TRABD2B: variants seen among roughly 807,000 people sequenced by gnomAD.
TRABD2B encodes metalloprotease TIKI2.
A neutral mutation model predicts 40.1 loss-of-function variants in TRABD2B; 14 were observed. The ratio of observed to expected loss-of-function variants is 0.35; its 90% CI spans 0.23 to 0.55. The LOEUF is 0.55. TRABD2B is among the 20% of genes least tolerant of loss of function. The pLI is 0.90. For synonymous variants in TRABD2B, 263 were observed against 277.0 expected, an observed-to-expected ratio of 0.95 and a Z score of 0.50; for missense variants, 541 against 648.6, an observed-to-expected ratio of 0.83 and a Z score of 1.80.
intron 2 of TRABD2B, among the ~76,000 whole-genome samples, chr1:47,966,160 TGTG>T (rs1645599704): frequency 2.0e-5 from 3 of 152,242 alleles, no homozygotes; most frequent in Middle Eastern, 3.4e-3. Context: ...GTGGCAGGGC[TGTG>T]TGTTATGACG....
intron 2 of TRABD2B, among the ~76,000 whole-genome samples, chr1:47,973,940 C>T (rs984142207): frequency 2.6e-5 from 4 of 152,068 alleles, no homozygotes; most frequent in African/African-American, 4.8e-5. Flanking sequence ...CCCATCACTA[C>T]AAAAAATACA....
chr1:47,980,630 C>A (rs1645828102), intron 2 of TRABD2B, among the ~76,000 whole-genome samples: 1 of 152,324 alleles, frequency 6.6e-6, no homozygotes, highest in African/African-American at 2.4e-5. Context: ...CCCTGCCCTA[C>A]ACTAGAAAGC....
At chr1:47,966,177 G>A (rs1011573228) in intron 2 of TRABD2B, among the ~76,000 whole-genome samples, 9 of 152,140 alleles carry the variant, frequency 5.9e-5, no homozygotes, top group Non-Finnish European at 1.2e-4. Context: ...TATGACGTCT[G>A]GAAGTGCCAG....
At position 47,826,374 on chromosome 1, in the gene TRABD2B, T is replaced by C. The variant is rs181309734; in HGVS notation, c.667-24755A>G. ...GTCTCACTAATTCTCACAACATCAT[T>C]ATATCATATATCATTACACATGTGA... On this transcript the variant is annotated intron_variant, in intron 2 of 6. Transcript: ENST00000606738. 1.4e-3 allele frequency among the ~76,000 whole-genome samples: 208 copies of C among 152,292 alleles called. 1 individual carries two copies. In the South Asian group the frequency reaches 0.014, roughly 10 times the overall value.
chr1:47,849,307 A>G (rs1645514972), intron 2 of TRABD2B, among the ~76,000 whole-genome samples: 1 of 152,222 alleles, frequency 6.6e-6, no homozygotes. Context: ...ACATGTGTAC[A>G]ACTGGACAAT....
At chr1:47,979,177 T>C (rs1645804611) in intron 2 of TRABD2B, among the ~76,000 whole-genome samples, 1 of 151,440 alleles carries the variant, frequency 6.6e-6, no homozygotes, top group Non-Finnish European at 1.5e-5. Flanking sequence ...CATCTAGAAA[T>C]GTGGGAACAA....
chr1:47,932,775 G>A (rs141186846), intron 2 of TRABD2B, among the ~76,000 whole-genome samples: 24 of 152,272 alleles, frequency 1.6e-4, no homozygotes, highest in African/African-American at 4.6e-4. Context: ...TTGACTCTGC[G>A]CAAGTCACTT....
At chr1:47,874,098 C>T (rs1644183809) in intron 2 of TRABD2B, among the ~76,000 whole-genome samples, 2 of 152,052 alleles carry the variant, frequency 1.3e-5, no homozygotes, top group South Asian at 4.2e-4. Flanking sequence ...TGGAAACTTG[C>T]AAAGAGAGCC....
rs543208426 is a variant in TRABD2B at position 47,909,614 on chromosome 1, T to C, written c.666+84420A>G. On this transcript the variant is annotated intron_variant, in intron 2 of 6. Transcript: ENST00000606738. The stretch of plus-strand genomic sequence containing the variant: ...GAGGAGGAGGAGGAGCCAGACTCTT[T>C]TAAACGACCGGATCTCATGGGAACC... Among the ~76,000 whole-genome samples the C allele has an allele frequency of 3.5e-3, 515 of 145,466 alleles. 4 individuals carry two copies. The highest frequency in any genetic ancestry group is 0.013 in the African/African-American group (492 of 38,718).
chr1:47,791,674 G>A (rs964216146), intron 4 of TRABD2B, among the ~76,000 whole-genome samples: 1 of 152,188 alleles, frequency 6.6e-6, no homozygotes, highest in Non-Finnish European at 1.5e-5. Flanking sequence ...CCAAGAGAGT[G>A]CTTAGTCCCA....
chr1:47,967,373 A>T (rs1041023060), intron 2 of TRABD2B, among the ~76,000 whole-genome samples: 1 of 145,872 alleles, frequency 6.9e-6, no homozygotes, highest in Non-Finnish European at 1.5e-5. Context: ...ACACACACAC[A>T]GCAATACTTC....
intron 2 of TRABD2B, among the ~76,000 whole-genome samples, chr1:47,820,773 TCACACACACCACACACA>T (rs1645095797): frequency 9.2e-6 from 1 of 108,768 alleles, no homozygotes; most frequent in Non-Finnish European, 1.8e-5. Context: ...ACTGAGAAGT[TCACACACACCACACACA>T]CACACACACA....
At chr1:47,824,050 G>A (rs955625326) in intron 2 of TRABD2B, among the ~76,000 whole-genome samples, 6 of 152,176 alleles carry the variant, frequency 3.9e-5, no homozygotes, top group East Asian at 3.9e-4. Flanking sequence ...GCTGTCACTG[G>A]CCTTCAGAGG....
intron 2 of TRABD2B, among the ~76,000 whole-genome samples, chr1:47,989,165 G>A (rs1645964385): frequency 6.6e-6 from 1 of 152,198 alleles, no homozygotes. Flanking sequence ...CCAGCCTCCA[G>A]AACTGTGAGC....
chr1:47,863,321 T>C (rs1450669420), intron 2 of TRABD2B, among the ~76,000 whole-genome samples: 3 of 130,232 alleles, frequency 2.3e-5, no homozygotes, highest in African/African-American at 8.5e-5. Flanking sequence ...TAAATATAAA[T>C]ATATATATAT....
intron 2 of TRABD2B, among the ~76,000 whole-genome samples, chr1:47,992,022 G>A (rs1646019194): frequency 6.6e-6 from 1 of 152,160 alleles, no homozygotes; most frequent in African/African-American, 2.4e-5. Flanking sequence ...ATGATAACAG[G>A]ACAAATTGGC....
intron 2 of TRABD2B, among the ~76,000 whole-genome samples, chr1:47,804,399 T>C (rs115347773): frequency 0.019 from 2,891 of 152,200 alleles, 96 homozygotes; most frequent in Admixed American, 0.091. Flanking sequence ...CCATGTCGAG[T>C]TGATCCGCTC....
At position 47,845,140 on chromosome 1, in the gene TRABD2B, T is replaced by C. The variant is rs988834562; in HGVS notation, c.667-43521A>G. ...ACCAGCTTTGGCCCCTGTGTTCCAA[T>C]GACTATGCCTTGCCCCTTCCACCTC... On this transcript the variant is annotated intron_variant, in intron 2 of 6. Transcript: ENST00000606738. Among the ~76,000 whole-genome samples the C allele has an allele frequency of 6.6e-5, 10 of 152,250 alleles. No homozygotes were observed. The South Asian group carries it at 1.0e-3, about 16-fold the overall frequency.
chr1:47,875,779 T>C (rs6657569), intron 2 of TRABD2B, among the ~76,000 whole-genome samples: 4,605 of 151,648 alleles, frequency 0.03, 250 homozygotes, highest in African/African-American at 0.11. Flanking sequence ...GGGAGGTCAT[T>C]ATACTTCCTC....
Sources: gnomAD v4.1 joint callset for allele counts (sites outside exome capture counted in the v4.1 genomes callset) on GRCh38, gnomAD v4.1.1 for gene constraint, MANE v1.5 for transcripts, NCBI Gene and HGNC (gene_info 2026-07-23, HGNC 2026-07-21) for gene names.